The following TMEM132C variants were observed in gnomAD, a reference collection of about 807,000 sequenced individuals.
TMEM132C encodes protein phosphatase 1, regulatory subunit 152.
TMEM132C carries 29 observed loss-of-function variants against 61.4 expected under a neutral mutation model. That is an observed-to-expected ratio of 0.47 (90% CI 0.35 to 0.64). TMEM132C has a LOEUF of 0.64. Among genes scored for constraint, TMEM132C ranks in the 30% least tolerant of loss-of-function variants. TMEM132C has a pLI of 0.00. For missense variants in TMEM132C, 1,408 were observed against 1,476.9 expected (o/e 0.95, Z 0.76); for synonymous variants, 656 against 633.1 (o/e 1.04, Z -0.54).
chr12:128,490,048 G>T (rs1267171550), intron 2 of TMEM132C, among the ~76,000 whole-genome samples: 1 of 152,158 alleles, frequency 6.6e-6, no homozygotes, highest in Non-Finnish European at 1.5e-5. Context: ...GTTCCTTCAA[G>T]ATATAATCCC....
chr12:128,523,809 A>AGG (rs35767506), intron 2 of TMEM132C, among the ~76,000 whole-genome samples: 5,009 of 135,938 alleles, frequency 0.037, 299 homozygotes, highest in African/African-American at 0.13. Context: ...AGACAAGCCC[A>AGG]GGAAAAAAAA....
intron 4 of TMEM132C, among the ~76,000 whole-genome samples, chr12:128,658,511 C>CT (rs61356889): frequency 6.8e-4 from 101 of 148,650 alleles, no homozygotes; most frequent in African/African-American, 1.9e-3. Flanking sequence ...AAGACATGAT[C>CT]TTTTTTTTTT....
intron 1 of TMEM132C, among the ~76,000 whole-genome samples, chr12:128,383,156 G>A (rs1231891997): frequency 1.3e-5 from 2 of 152,084 alleles, no homozygotes; most frequent in African/African-American, 4.8e-5. Flanking sequence ...GTATGTGTGT[G>A]CACCTGTGCA....
chr12:128,559,246 C>A (rs937716524), intron 3 of TMEM132C, among the ~76,000 whole-genome samples: 2 of 151,886 alleles, frequency 1.3e-5, no homozygotes, highest in Non-Finnish European at 2.9e-5. Flanking sequence ...AACAATATAT[C>A]TTGTATTTTT....
At chr12:128,378,108 A>G (rs184705128) in intron 1 of TMEM132C, among the ~76,000 whole-genome samples, 109 of 90,118 alleles carry the variant, frequency 1.2e-3, no homozygotes, top group African/African-American at 3.7e-3. Context: ...AAAATAGAGC[A>G]GTTTTTTTTT....
chr12:128,365,046 C>A (rs1383682217), intron 1 of TMEM132C, among the ~76,000 whole-genome samples: 1 of 152,168 alleles, frequency 6.6e-6, no homozygotes, highest in Non-Finnish European at 1.5e-5. Flanking sequence ...TCCTTAACAA[C>A]CAGTGATGGA....
At chr12:128,501,014 T>TA (rs1469414371) in intron 2 of TMEM132C, among the ~76,000 whole-genome samples, 1 of 152,214 alleles carries the variant, frequency 6.6e-6, no homozygotes, top group East Asian at 1.9e-4. Flanking sequence ...ATAAAAATAA[T>TA]AAAGCATTGA....
rs1593103574 is a variant in TMEM132C, at chr12:128,570,934, T to A, written c.1121+26831T>A. ...TCTGGGGAAGTTACTATTTTCACTT[T>A]GGCACGTTACCACCCTGAAAAGATC... On this transcript the variant is annotated intron_variant, in intron 3 of 8. Coordinates refer to ENST00000435159, the MANE Select transcript of TMEM132C (RefSeq NM_001136103.3). This position sits in a 1 kb window ranked among gnomAD's most constrained non-coding sequence, Gnocchi z 4.7. Among the ~76,000 whole-genome samples the A allele has an allele frequency of 6.6e-6, 1 of 152,226 alleles. No individual in the cohort carries two copies. Among genetic ancestry groups the A allele is most frequent in the Admixed American group, 6.5e-5 (1 of 15,288 alleles).
Position 128,365,529 on chromosome 12 carries a change from T to G in TMEM132C, c.86-49203T>G, listed in dbSNP as rs1173671359. Among the ~76,000 whole-genome samples the G allele has an allele frequency of 3.3e-5, 5 of 152,204 alleles. No individual in the cohort carries two copies. In the East Asian group the frequency reaches 9.6e-4, roughly 29 times the overall value. On this transcript the variant is annotated intron_variant, in intron 1 of 8. Coordinates refer to ENST00000435159, the MANE Select transcript of TMEM132C (RefSeq NM_001136103.3). ...ACTAATGTAAGAATTGTCCTCCCCC[T>G]ACTTCTTTCCCGACCAAATTCACAT...
At chr12:128,600,888 T>A (rs887970904) in intron 3 of TMEM132C, among the ~76,000 whole-genome samples, 4 of 152,150 alleles carry the variant, frequency 2.6e-5, no homozygotes, top group African/African-American at 9.6e-5. Flanking sequence ...AAAAACTATA[T>A]CCCCCCAGGG....
At chr12:128,269,999 C>G (rs1355877556) in intron 1 of TMEM132C, among the ~76,000 whole-genome samples, 1 of 152,128 alleles carries the variant, frequency 6.6e-6, no homozygotes, top group African/African-American at 2.4e-5. Flanking sequence ...TGGGAGGTTC[C>G]ATAAATAGGA....
chr12:128,572,847 T>C (rs1013442563), intron 3 of TMEM132C, among the ~76,000 whole-genome samples: 1 of 152,220 alleles, frequency 6.6e-6, no homozygotes. Flanking sequence ...ACTAGAAACA[T>C]AGGGTTTAAA....
chr12:128,604,406 AAGAT>A (rs199758796), intron 3 of TMEM132C, among the ~76,000 whole-genome samples: 42,625 of 144,262 alleles, frequency 0.3, 6,995 homozygotes, highest in Non-Finnish European at 0.38. Context: ...TAATGGATGG[AAGAT>A]AGATAGATAG....
In TMEM132C at chr12:128,543,568, C is replaced by T. The variant is rs143894605; in HGVS notation, c.975-389C>T. On this transcript the variant is annotated intron_variant, in intron 2 of 8. Coordinates refer to ENST00000435159, the MANE Select transcript of TMEM132C (RefSeq NM_001136103.3). ...ACTGGATAACAACACCCCCCACACACACAGCCATGACAACTACAAGTATCT... is the reference window on the plus strand; with the variant it reads ...ACTGGATAACAACACCCCCCACACATACAGCCATGACAACTACAAGTATCT... Among the ~76,000 whole-genome samples, 115 of 152,294 alleles carry T rather than the reference C, an allele frequency of 7.6e-4. 1 individual carries two copies. Among genetic ancestry groups the T allele is most frequent in the African/African-American group, 2.6e-3 (110 of 41,562 alleles).
At chr12:128,323,665 C>G (rs1308190426) in intron 1 of TMEM132C, among the ~76,000 whole-genome samples, 1 of 152,202 alleles carries the variant, frequency 6.6e-6, no homozygotes, top group Non-Finnish European at 1.5e-5. Flanking sequence ...AGCACGGTAA[C>G]AGAGTGTGGA....
chr12:128,434,667 A>G (rs1249614791), intron 2 of TMEM132C, among the ~76,000 whole-genome samples: 1 of 151,756 alleles, frequency 6.6e-6, no homozygotes, highest in Non-Finnish European at 1.5e-5. Context: ...CAGTGGCATG[A>G]TCTCGGCTCA....
At chr12:128,444,516 G>A (rs950881877) in intron 2 of TMEM132C, among the ~76,000 whole-genome samples, 2 of 152,160 alleles carry the variant, frequency 1.3e-5, no homozygotes, top group African/African-American at 2.4e-5. Context: ...TGAATTAAGC[G>A]CATTTTCAGA....
chr12:128,676,333 C>T (rs2135636493), intron 5 of TMEM132C, among the ~76,000 whole-genome samples: 1 of 152,204 alleles, frequency 6.6e-6, no homozygotes, highest in East Asian at 1.9e-4. Flanking sequence ...TTTGCATTCC[C>T]AGCAAGGATA....
intron 2 of TMEM132C, among the ~76,000 whole-genome samples, chr12:128,462,845 A>G (rs1870584863): frequency 6.6e-6 from 1 of 152,166 alleles, no homozygotes; most frequent in South Asian, 2.1e-4. Context: ...ACAGTTAGGA[A>G]TGCTTTTGGC....
Sources: allele counts gnomAD v4.1 joint callset (sites outside exome capture counted in the v4.1 genomes callset), GRCh38; gene constraint gnomAD v4.1.1; non-coding constraint Gnocchi (gnomAD v3.1); transcripts MANE v1.5; gene names NCBI Gene and HGNC (gene_info 2026-07-23, HGNC 2026-07-21).